TBPL1: variants seen among roughly 807,000 people sequenced by gnomAD.
TBPL1 encodes TATA-box binding protein like 1.
TBPL1 carries 4 observed loss-of-function variants against 22.1 expected under a neutral mutation model. The ratio of observed to expected loss-of-function variants is 0.18; its 90% CI spans 0.09 to 0.41. TBPL1 has a LOEUF of 0.41. Ranked by LOEUF, TBPL1 falls within the 10% of genes least tolerant of loss-of-function variation. The probability of loss-of-function intolerance (pLI) is 1.00; values close to 1 mark genes in which losing one functional copy is unlikely to be tolerated. For missense variants in TBPL1, 115 were observed against 222.3 expected (o/e 0.52, Z 3.07); for synonymous variants, 64 against 71.0 (o/e 0.90, Z 0.50).
At chr6:133,974,278 G>C (rs951498577) in intron 1 of TBPL1, among the ~76,000 whole-genome samples, 14 of 152,146 alleles carry the variant, frequency 9.2e-5, no homozygotes, top group African/African-American at 3.4e-4. Context: ...TGGATGTGCA[G>C]GTTGTTTCTG....
chr6:133,986,900 TTTTTCCTAGTGCTCCC>T, intron 6 of TBPL1, 45 bp from the exon 7 acceptor site: 1 of 1,202,514 alleles, frequency 8.3e-7, no homozygotes, highest in Admixed American at 2.4e-5. Context: ...GGAAAATCAG[TTTTTCCTAGTGCTCCC>T]TTTTCCAACT....
chr6:133,982,651 G>C lies in TBPL1; in HGVS notation c.218+1G>C, dbSNP rs1257786520. On this transcript the variant is annotated splice_donor_variant, in intron 3 of 6. Transcript: ENST00000237264. LOFTEE classifies it high-confidence loss of function. Reference sequence around the variant, plus strand: ...AAATTATTTGCACTGGAGCAACAAGGTAAATGCTACTTGGGTTTTTTGTTT... The same window carrying C: ...AAATTATTTGCACTGGAGCAACAAGCTAAATGCTACTTGGGTTTTTTGTTT... 6.2e-7 allele frequency: 1 copy of C among 1,611,484 alleles called. No homozygotes were observed. The highest frequency in any genetic ancestry group is 8.5e-7 in the Non-Finnish European group (1 of 1,179,254).
chr6:133,957,320 A>T (rs1775944071), intron 1 of TBPL1, among the ~76,000 whole-genome samples: 2 of 152,364 alleles, frequency 1.3e-5, no homozygotes, highest in Middle Eastern at 3.4e-3. Context: ...AAAAATACTG[A>T]AAACCAGACG....
intron 4 of TBPL1, among the ~76,000 whole-genome samples, chr6:133,984,078 C>G (rs1191775726): frequency 6.6e-6 from 1 of 152,060 alleles, no homozygotes; most frequent in East Asian, 1.9e-4. Flanking sequence ...TCTCTCCTTT[C>G]TCAGTAGTTT....
rs1266133723 is a variant in TBPL1, at chr6:133,953,249, G to A, written c.-221G>A. 1 of 152,992 alleles carries A rather than the reference G, an allele frequency of 6.5e-6. No individual in the cohort carries two copies. Among genetic ancestry groups the A allele is most frequent in the Admixed American group, 6.5e-5 (1 of 15,286 alleles). The allele number at this position is 152,992 out of a possible 1,614,324, so 9.5% of individuals were successfully genotyped here. On this transcript the variant is annotated 5_prime_UTR_variant, in exon 1 of 7. Coordinates refer to ENST00000237264, the MANE Select transcript of TBPL1 (RefSeq NM_004865.4). Reference sequence around the variant, plus strand: ...CTCGCACCCGGAACAACAAAGCAAGGAAGACGGAGTCCGAGCCTCGGGGGC... The same window carrying A: ...CTCGCACCCGGAACAACAAAGCAAGAAAGACGGAGTCCGAGCCTCGGGGGC...
chr6:133,979,531 A>G (rs532961047), intron 1 of TBPL1, among the ~76,000 whole-genome samples: 1 of 152,250 alleles, frequency 6.6e-6, no homozygotes, highest in African/African-American at 2.4e-5. Flanking sequence ...AGCTCCTGTC[A>G]AGTAAAAGTT....
chr6:133,955,211 A>C (rs949258086), intron 1 of TBPL1, among the ~76,000 whole-genome samples: 9 of 149,700 alleles, frequency 6.0e-5, no homozygotes, highest in South Asian at 4.4e-4. Context: ...CAGGGCTGCC[A>C]TCAGACTCAC....
intron 2 of TBPL1, among the ~76,000 whole-genome samples, chr6:133,981,220 C>G (rs372415362): frequency 6.6e-6 from 1 of 152,102 alleles, no homozygotes; most frequent in Non-Finnish European, 1.5e-5. Context: ...ATCCACCCAC[C>G]TCAGCCTTCC....
chr6:133,955,183 C>G (rs982503920), intron 1 of TBPL1, among the ~76,000 whole-genome samples: 6 of 150,334 alleles, frequency 4.0e-5, no homozygotes, highest in African/African-American at 1.5e-4. Flanking sequence ...TGAGACTTGA[C>G]GAAGTGTCCC....
At position 133,985,211 on chromosome 6, in the gene TBPL1, G is replaced by A. The variant is rs1347154131; in HGVS notation, c.481+540G>A. ...AGAGAATCATTTGAACCCAGGAGGC[G>A]GAGGTTGCAGCGAGCTGAGATCGCA... On this transcript the variant is annotated intron_variant, in intron 6 of 6. Transcript: ENST00000237264. Among the ~76,000 whole-genome samples the A allele has an allele frequency of 5.5e-5, 8 of 146,140 alleles. No homozygotes were observed. The East Asian group carries it at 6.0e-4, about 11-fold the overall frequency.
chr6:133,987,332 T>C lies in TBPL1; in HGVS notation c.*292T>C, dbSNP rs113474757. On this transcript the variant is annotated 3_prime_UTR_variant, in exon 7 of 7. Transcript: ENST00000237264. ...CTGTCACAGTGTGCACTACCTTAGA[T>C]TGTTTTATTGTCGTCATTGTTATTT... The C allele has an allele frequency of 6.0e-4, 116 of 193,170 alleles. 1 individual carries two copies. The highest frequency in any genetic ancestry group is 2.5e-3 in the African/African-American group (110 of 43,182). The allele number at this position is 193,170 out of a possible 1,614,324, so 12.0% of individuals were successfully genotyped here.
intron 1 of TBPL1, among the ~76,000 whole-genome samples, chr6:133,955,360 G>A (rs56273724): frequency 0.046 from 7,040 of 151,536 alleles, 558 homozygotes; most frequent in African/African-American, 0.16. Flanking sequence ...TTTGGTGGTA[G>A]TTTAGTTACT....
In TBPL1 at chr6:133,956,712, T is replaced by C. The variant is rs536184422; in HGVS notation, c.-45+3287T>C. ...GAAATCTGATTCTTGATGCCTAAAA[T>C]TTCAACTTTGTATTCTGGCTGTGGG... On this transcript the variant is annotated intron_variant, in intron 1 of 6. Coordinates refer to ENST00000237264, the MANE Select transcript of TBPL1 (RefSeq NM_004865.4). Among the ~76,000 whole-genome samples, 3 of 152,336 alleles carry C rather than the reference T, an allele frequency of 2.0e-5. No homozygotes were observed. In the South Asian group the frequency reaches 6.2e-4, roughly 32 times the overall value.
Position 133,953,316 on chromosome 6 carries a change from G to C in TBPL1, c.-154G>C, listed in dbSNP as rs1279056529. 1 of 152,698 alleles carries C rather than the reference G, an allele frequency of 6.5e-6. No homozygotes were observed. The highest frequency in any genetic ancestry group is 2.4e-5 in the African/African-American group (1 of 41,466). 9.5% of individuals were successfully genotyped at this position (152,698 alleles called of 1,614,324 possible). A position where few individuals can be genotyped will look rare whatever the true frequency, so the allele number is the denominator to read the frequency against. ...GGGCGGGAGTTCCATGGAGACTGGG[G>C]AGCGCGCCCGTCTCATCCTCATCCT... On this transcript the variant is annotated 5_prime_UTR_variant, in exon 1 of 7. Coordinates refer to ENST00000237264, the MANE Select transcript of TBPL1 (RefSeq NM_004865.4).
intron 1 of TBPL1, among the ~76,000 whole-genome samples, chr6:133,956,771 C>T (rs1775934097): frequency 6.6e-6 from 1 of 152,178 alleles, no homozygotes; most frequent in Non-Finnish European, 1.5e-5. Flanking sequence ...CTTTCTCAAG[C>T]ATGATTACAG....
chr6:133,976,311 C>G (rs972805073), intron 1 of TBPL1, among the ~76,000 whole-genome samples: 5 of 151,918 alleles, frequency 3.3e-5, no homozygotes, highest in African/African-American at 1.2e-4. Flanking sequence ...GTTCATACAC[C>G]AAATAATTGA....
rs762470090 is a variant in TBPL1 at position 133,982,666 on chromosome 6, GT to G, written c.218+22del. 3 of 1,603,982 alleles carry G rather than the reference GT, an allele frequency of 1.9e-6. No homozygotes were observed. Among genetic ancestry groups the G allele is most frequent in the African/African-American group, 1.3e-5 (1 of 74,332 alleles). ...GAGCAACAAGGTAAATGCTACTTGGGTTTTTTGTTTTTATTTTTTACTTTTT... is the reference window on the plus strand; with the variant it reads ...GAGCAACAAGGTAAATGCTACTTGGGTTTTTGTTTTTATTTTTTACTTTTT... On this transcript the variant is annotated intron_variant, in intron 3 of 6. Coordinates refer to ENST00000237264, the MANE Select transcript of TBPL1 (RefSeq NM_004865.4).
rs1399245950 is a variant in TBPL1 at position 133,965,076 on chromosome 6, A to T, written c.-45+11651A>T. ...AATTCTGACACCAACTTATGAGAAGATTTATTCAGTCTTTTAGCTACCCTA... is the reference window on the plus strand; with the variant it reads ...AATTCTGACACCAACTTATGAGAAGTTTTATTCAGTCTTTTAGCTACCCTA... On this transcript the variant is annotated intron_variant, in intron 1 of 6. Coordinates refer to ENST00000237264, the MANE Select transcript of TBPL1 (RefSeq NM_004865.4). Among the ~76,000 whole-genome samples the T allele has an allele frequency of 3.3e-5, 5 of 152,354 alleles. 1 individual carries two copies. In the South Asian group the frequency reaches 1.0e-3, roughly 32 times the overall value.
Position 133,989,738 on chromosome 6 carries a change from T to A in TBPL1, c.*2698T>A, listed in dbSNP as rs1170481638. The A allele has an allele frequency of 2.0e-5, 3 of 152,186 alleles. No individual in the cohort carries two copies. Among genetic ancestry groups the A allele is most frequent in the Non-Finnish European group, 4.4e-5 (3 of 68,034 alleles). 9.4% of individuals were successfully genotyped at this position (152,186 alleles called of 1,614,324 possible). ...ACATAGGTTTATAGTCTCTCCACAT[T>A]GTTATAAAGGAATGTAATAGATCAT... On this transcript the variant is annotated 3_prime_UTR_variant, in exon 7 of 7. Transcript: ENST00000237264.
Sources: allele counts gnomAD v4.1 joint callset (sites outside exome capture counted in the v4.1 genomes callset), GRCh38; gene constraint gnomAD v4.1.1; transcripts MANE v1.5; gene names NCBI Gene and HGNC (gene_info 2026-07-23, HGNC 2026-07-21).